The following MAGI1 variants were observed in gnomAD, a reference collection of about 807,000 sequenced individuals.
MAGI1 encodes membrane associated guanylate kinase, WW and PDZ domain containing 1.
Under a neutral mutation model 139.9 loss-of-function variants are expected in MAGI1, and 58 were observed. The ratio of observed to expected loss-of-function variants is 0.41; its 90% CI spans 0.34 to 0.52. The LOEUF is 0.52. Ranked by LOEUF, MAGI1 falls within the 20% of genes least tolerant of loss-of-function variation. MAGI1 has a pLI of 0.12. For missense variants in MAGI1, 1,874 were observed against 1,901.6 expected (o/e 0.99, Z 0.27); for synonymous variants, 812 against 737.9 (o/e 1.10, Z -1.63).
At chr3:65,621,924 C>CACACACACACACACAA in intron 2 of MAGI1, 48 bp downstream of exon 2, 1 of 1,369,472 alleles carries the variant, frequency 7.3e-7, no homozygotes, top group Non-Finnish European at 1.0e-6. Flanking sequence ...TTTTCACACA[C>CACACACACACACACAA]ACACACACAC....
intron 18 of MAGI1, among the ~76,000 whole-genome samples, chr3:65,373,614 G>A (rs567817498): frequency 1.3e-5 from 2 of 152,108 alleles, no homozygotes; most frequent in Non-Finnish European, 2.9e-5. Context: ...GCAATGAAAG[G>A]GGGGATGTCT....
In MAGI1 at chr3:65,429,407, T is replaced by G. The variant is rs567961490; in HGVS notation, c.2167+113A>C. 14 of 1,160,544 alleles carry G rather than the reference T, an allele frequency of 1.2e-5. No homozygotes were observed. The South Asian group carries it at 2.0e-4, about 17-fold the overall frequency. 71.9% of individuals were successfully genotyped at this position (1,160,544 alleles called of 1,614,324 possible). A position where few individuals can be genotyped will look rare whatever the true frequency, so the allele number is the denominator to read the frequency against. ...GTATTTGGAGAAATCAGTAGGCATT[T>G]TGAAACATTTAAATAAATTTAAAAA... is the stretch of plus-strand genomic sequence containing the variant. On this transcript the variant is annotated intron_variant, in intron 12 of 22. Coordinates refer to ENST00000402939, the MANE Select transcript of MAGI1 (RefSeq NM_001033057.2).
intron 1 of MAGI1, among the ~76,000 whole-genome samples, chr3:65,703,847 A>C (rs1055162071): frequency 6.6e-6 from 1 of 152,170 alleles, no homozygotes; most frequent in African/African-American, 2.4e-5. Context: ...TGAGGATGTC[A>C]ATAAAATTCT....
intron 5 of MAGI1, 43 bp from the exon 6 acceptor site, chr3:65,453,383 A>G: frequency 2.1e-6 from 3 of 1,456,070 alleles, no homozygotes; most frequent in Non-Finnish European, 1.9e-6. Flanking sequence ...TTGAAAAAAA[A>G]AAAAAAAAGC....
chr3:66,014,591 C>G (rs775667631), intron 1 of MAGI1, among the ~76,000 whole-genome samples: 1 of 152,168 alleles, frequency 6.6e-6, no homozygotes, highest in African/African-American at 2.4e-5. Context: ...CCACATATAT[C>G]TTTTATGAGT....
At chr3:65,995,788 G>A in intron 1 of MAGI1, among the ~76,000 whole-genome samples, 1 of 152,128 alleles carries the variant, frequency 6.6e-6, no homozygotes, top group East Asian at 1.9e-4. Context: ...AGCTATCTAA[G>A]TCTGTTCTCT....
chr3:65,808,694 C>T (rs140992479), intron 1 of MAGI1, among the ~76,000 whole-genome samples: 1 of 152,226 alleles, frequency 6.6e-6, no homozygotes, highest in Admixed American at 6.5e-5. Flanking sequence ...TTCACGACAC[C>T]AACAGAACTC....
intron 14 of MAGI1, among the ~76,000 whole-genome samples, chr3:65,389,202 G>A (rs1277743469): frequency 6.6e-6 from 1 of 152,032 alleles, no homozygotes; most frequent in Non-Finnish European, 1.5e-5. Context: ...AGCTGGCTAT[G>A]GCCACATTAC....
intron 1 of MAGI1, among the ~76,000 whole-genome samples, chr3:65,977,915 G>T (rs1182725394): frequency 2.6e-5 from 4 of 152,132 alleles, no homozygotes; most frequent in Non-Finnish European, 4.4e-5. Context: ...ATCACCAGGA[G>T]ACCAACTCCT....
chr3:65,688,084 T>C (rs528551055), intron 1 of MAGI1: 4 of 763,738 alleles, frequency 5.2e-6, no homozygotes, highest in East Asian at 3.2e-5. Flanking sequence ...AGACAGCCTT[T>C]GGCCCTGAAC....
At chr3:65,532,915 C>T (rs1268590264) in intron 2 of MAGI1, 4 of 152,348 alleles carry the variant, frequency 2.6e-5, no homozygotes, top group Middle Eastern at 3.4e-3. Context: ...TTAGGGGTGT[C>T]GCTGGTTTAG....
chr3:65,847,777 G>A (rs563834344), intron 1 of MAGI1, among the ~76,000 whole-genome samples: 1 of 152,180 alleles, frequency 6.6e-6, no homozygotes, highest in African/African-American at 2.4e-5. Flanking sequence ...AATTCCACTG[G>A]GTACTACGCT....
intron 12 of MAGI1, among the ~76,000 whole-genome samples, chr3:65,402,456 T>G (rs1468309724): frequency 6.6e-6 from 1 of 152,154 alleles, no homozygotes. Flanking sequence ...AAATAAAGCG[T>G]ACACTGGTGT....
intron 2 of MAGI1, among the ~76,000 whole-genome samples, chr3:65,527,054 T>C (rs1356927537): frequency 6.6e-6 from 1 of 152,246 alleles, no homozygotes; most frequent in Admixed American, 6.5e-5. Context: ...AAGATTCACG[T>C]ATCTTCTCTT....
At chr3:65,691,307 A>AAAAAAAAAAG (rs1388046202) in intron 1 of MAGI1, among the ~76,000 whole-genome samples, 1 of 133,658 alleles carries the variant, frequency 7.5e-6, no homozygotes, top group Non-Finnish European at 1.7e-5. Flanking sequence ...CGTCTCAAAA[A>AAAAAAAAAAG]AAAAAAAAGA....
At chr3:65,957,415 C>T (rs552427914) in intron 1 of MAGI1, among the ~76,000 whole-genome samples, 1 of 149,074 alleles carries the variant, frequency 6.7e-6, no homozygotes, top group Non-Finnish European at 1.5e-5. Flanking sequence ...CAGCTACCCG[C>T]GGCGCTGAGG....
rs373774769 is a variant in MAGI1 at position 65,582,340 on chromosome 3, C to T, written c.430+39632G>A. On this transcript the variant is annotated intron_variant, in intron 2 of 22. Transcript: ENST00000402939. Reference sequence around the variant, plus strand: ...CAGCACATAGGAAGAGCACCAGGCACGTGGGAGAGGCTCGGCCCTGGTTAT... The same window carrying T: ...CAGCACATAGGAAGAGCACCAGGCATGTGGGAGAGGCTCGGCCCTGGTTAT... Among the ~76,000 whole-genome samples, 115 of 152,270 alleles carry T rather than the reference C, an allele frequency of 7.6e-4. 3 individuals carry two copies. Among genetic ancestry groups the T allele is most frequent in the African/African-American group, 2.5e-3 (103 of 41,534 alleles).
intron 2 of MAGI1, among the ~76,000 whole-genome samples, chr3:65,616,002 C>T (rs7612636): frequency 6.6e-6 from 1 of 151,918 alleles, no homozygotes; most frequent in Non-Finnish European, 1.5e-5. Flanking sequence ...AATCAAAAGC[C>T]TAAGAATTCG....
chr3:65,374,809 A>C (rs1247559241), intron 18 of MAGI1, among the ~76,000 whole-genome samples: 1 of 152,170 alleles, frequency 6.6e-6, no homozygotes, highest in East Asian at 1.9e-4. Flanking sequence ...ACTTACATAA[A>C]AGAACCAAAG....
Sources: gnomAD v4.1 joint callset for allele counts (sites outside exome capture counted in the v4.1 genomes callset) on GRCh38, gnomAD v4.1.1 for gene constraint, MANE v1.5 for transcripts, NCBI Gene and HGNC (gene_info 2026-07-23, HGNC 2026-07-21) for gene names.